The following SMURF1 variants were observed in gnomAD, a reference collection of about 807,000 sequenced individuals.
SMURF1 encodes the protein SMAD specific E3 ubiquitin protein ligase 1.
A neutral mutation model predicts 98.0 loss-of-function variants in SMURF1; 44 were observed. The ratio of observed to expected loss-of-function variants is 0.45; its 90% CI spans 0.35 to 0.58. The LOEUF (loss-of-function observed/expected upper bound fraction) is 0.58. Among genes scored for constraint, SMURF1 ranks in the 20% least tolerant of loss-of-function variants. The pLI is 0.00. For missense variants in SMURF1, 687 were observed against 938.4 expected, an observed-to-expected ratio of 0.73 and a Z score of 3.50; for synonymous variants, 396 against 374.9, an observed-to-expected ratio of 1.06 and a Z score of -0.65.
intron 1 of SMURF1, chr7:99,120,896 T>TTTTTTTTTG (rs1797599464): frequency 7.2e-6 from 1 of 138,782 alleles, no homozygotes; most frequent in Non-Finnish European, 1.6e-5. Context: ...AAAAGATTTG[T>TTTTTTTTTG]TTTTTTTTTT....
At chr7:99,078,688 G>A (rs575934730) in intron 1 of SMURF1, among the ~76,000 whole-genome samples, 1 of 152,354 alleles carries the variant, frequency 6.6e-6, no homozygotes, top group South Asian at 2.1e-4. Context: ...GAACCCTGTT[G>A]TGAACTGCGC....
chr7:99,098,962 G>A (rs1400062651), intron 1 of SMURF1, among the ~76,000 whole-genome samples: 1 of 152,306 alleles, frequency 6.6e-6, no homozygotes, highest in East Asian at 1.9e-4. Context: ...AATAAATAAT[G>A]TGAATAGCGT....
At chr7:99,118,995 A>C (rs1301744637) in intron 1 of SMURF1, among the ~76,000 whole-genome samples, 1 of 132,858 alleles carries the variant, frequency 7.5e-6, no homozygotes, top group African/African-American at 2.8e-5. Context: ...TGAGAAGCTA[A>C]CATGCCAATT....
intron 15 of SMURF1, among the ~76,000 whole-genome samples, chr7:99,036,865 G>T (rs1488923486): frequency 6.6e-6 from 1 of 152,078 alleles, no homozygotes; most frequent in Non-Finnish European, 1.5e-5. Flanking sequence ...CTACCGCCAA[G>T]CAGACATCTC....
At chr7:99,063,662 G>C (rs1027635288) in intron 1 of SMURF1, among the ~76,000 whole-genome samples, 4 of 151,876 alleles carry the variant, frequency 2.6e-5, no homozygotes, top group Non-Finnish European at 4.4e-5. Context: ...TATACTCATG[G>C]GTGGGACAAC....
intron 1 of SMURF1, among the ~76,000 whole-genome samples, chr7:99,094,073 T>C (rs1584171671): frequency 6.6e-6 from 1 of 152,128 alleles, no homozygotes; most frequent in Admixed American, 6.6e-5. Context: ...CTATATATGG[T>C]CAAAATTAAA....
chr7:99,033,283 C>T (rs1303229078), intron 16 of SMURF1, among the ~76,000 whole-genome samples, 162 bp from the exon 17 acceptor site: 1 of 152,190 alleles, frequency 6.6e-6, no homozygotes, highest in East Asian at 1.9e-4. Context: ...GGTTTTAGGA[C>T]ATGCCTGCAA....
chr7:99,136,424 A>AT (rs913629796), intron 1 of SMURF1, among the ~76,000 whole-genome samples: 3 of 151,880 alleles, frequency 2.0e-5, no homozygotes, highest in Non-Finnish European at 2.9e-5. Context: ...ATTTTATCCT[A>AT]TTTTTTGCCA....
intron 1 of SMURF1, among the ~76,000 whole-genome samples, chr7:99,134,480 A>G (rs1048103390): frequency 1.6e-4 from 25 of 152,330 alleles, no homozygotes; most frequent in African/African-American, 5.5e-4. Context: ...GTAGAAATAA[A>G]ATTGAGTAAA....
chr7:99,085,353 CAAAAAAAAA>C (rs992976220), intron 1 of SMURF1, among the ~76,000 whole-genome samples: 2 of 52,326 alleles, frequency 3.8e-5, no homozygotes, highest in East Asian at 4.2e-4. Context: ...AACTCCATCT[CAAAAAAAAA>C]AAAAAAAAAG....
At chr7:99,056,295 T>A (rs1246249767) in intron 5 of SMURF1, among the ~76,000 whole-genome samples, 1 of 152,130 alleles carries the variant, frequency 6.6e-6, no homozygotes, top group African/African-American at 2.4e-5. Flanking sequence ...TTTTTTTTTA[T>A]TCCATGCAGC....
At chr7:99,073,988 G>T (rs1254153961) in intron 1 of SMURF1, among the ~76,000 whole-genome samples, 1 of 152,072 alleles carries the variant, frequency 6.6e-6, no homozygotes, top group Non-Finnish European at 1.5e-5. Context: ...AAAAAGTTGT[G>T]GTCATCACAA....
At chr7:99,124,413 G>A (rs912069153) in intron 1 of SMURF1, among the ~76,000 whole-genome samples, 1 of 152,222 alleles carries the variant, frequency 6.6e-6, no homozygotes, top group African/African-American at 2.4e-5. Context: ...CTAGCACTTG[G>A]CAGAATCTCA....
Position 99,033,140 on chromosome 7 carries a change from A to G in SMURF1, c.2012-19T>C, listed in dbSNP as rs761758454. ...GTAGAACCTTACAAGACAACATTCTAGTTAATGTACTTCAGAGTTACAGCC... is the reference window on the plus strand; with the variant it reads ...GTAGAACCTTACAAGACAACATTCTGGTTAATGTACTTCAGAGTTACAGCC... On this transcript the variant is annotated intron_variant, in intron 16 of 17. Coordinates refer to ENST00000361368, the MANE Select transcript of SMURF1 (RefSeq NM_181349.3). 12 of 1,559,374 alleles carry G rather than the reference A, an allele frequency of 7.7e-6. No homozygotes were observed. The South Asian group carries it at 1.4e-4, about 18-fold the overall frequency.
chr7:99,076,798 CGCATGTGTGCAAGTGT>C (rs964136142), intron 1 of SMURF1, among the ~76,000 whole-genome samples: 17 of 152,024 alleles, frequency 1.1e-4, no homozygotes, highest in Non-Finnish European at 1.9e-4. Flanking sequence ...TGTGTGTGTG[CGCATGTGTGCAAGTGT>C]GCATGTGTGC....
intron 6 of SMURF1, 78 bp from the exon 7 acceptor site, chr7:99,052,524 A>T: frequency 7.4e-7 from 1 of 1,348,440 alleles, no homozygotes; most frequent in Non-Finnish European, 9.7e-7. Flanking sequence ...CTAGTGTCCT[A>T]GGGGACACCG....
intron 1 of SMURF1, among the ~76,000 whole-genome samples, chr7:99,080,619 G>A (rs1236690885): frequency 1.3e-5 from 2 of 152,080 alleles, no homozygotes; most frequent in Non-Finnish European, 2.9e-5. Flanking sequence ...AGTTTTACAG[G>A]AAAACTCTAT....
chr7:99,102,120 A>G (rs1797097695), intron 1 of SMURF1, among the ~76,000 whole-genome samples: 1 of 152,134 alleles, frequency 6.6e-6, no homozygotes, highest in Non-Finnish European at 1.5e-5. Context: ...ACACATTTTG[A>G]TTCCACTTAA....
chr7:99,048,170 C>T (rs889760308), intron 9 of SMURF1: 1 of 374,718 alleles, frequency 2.7e-6, no homozygotes, highest in Admixed American at 3.8e-5. Flanking sequence ...GGTGGATCAC[C>T]TGAGGTCAGG....
Sources: allele counts gnomAD v4.1 joint callset (sites outside exome capture counted in the v4.1 genomes callset), GRCh38; gene constraint gnomAD v4.1.1; transcripts MANE v1.5; gene names NCBI Gene and HGNC (gene_info 2026-07-23, HGNC 2026-07-21).